The following ARHGAP15 variants were observed in gnomAD, a reference collection of about 807,000 sequenced individuals.
ARHGAP15 encodes Rho GTPase activating protein 15.
In ARHGAP15, 51 loss-of-function variants were observed where a neutral mutation model predicts 63.7. The observed-to-expected ratio is 0.80, with a 90% CI of 0.64 to 1.01. ARHGAP15 has a LOEUF of 1.01. ARHGAP15 is among the 50% of genes least tolerant of loss of function. The probability of loss-of-function intolerance (pLI) is 0.00; values close to 1 mark genes in which losing one functional copy is unlikely to be tolerated. For synonymous variants in ARHGAP15, 191 were observed against 193.8 expected (o/e 0.99, Z 0.12); for missense variants, 560 against 564.6 (o/e 0.99, Z 0.08).
chr2:143,261,858 G>C (rs961598664), intron 6 of ARHGAP15, among the ~76,000 whole-genome samples: 1 of 152,138 alleles, frequency 6.6e-6, no homozygotes, highest in African/African-American at 2.4e-5. Context: ...ACCCATTATT[G>C]AGTTGGTCAT....
At chr2:143,190,470 G>A (rs1691638045) in intron 2 of ARHGAP15, among the ~76,000 whole-genome samples, 1 of 152,160 alleles carries the variant, frequency 6.6e-6, no homozygotes, top group African/African-American at 2.4e-5. Flanking sequence ...GACTGAGGAT[G>A]GGGACTAAAA....
rs868303132 is a variant in ARHGAP15 at position 143,416,718 on chromosome 2, A to G, written c.475-18883A>G. On this transcript the variant is annotated intron_variant, in intron 6 of 13. Transcript: ENST00000295095. The stretch of plus-strand genomic sequence containing the variant: ...TGCATCTGTAATTGTTCTCACGGGC[A>G]CAGCAACGCAAACACAGTAACACAA... 1.8e-4 allele frequency among the ~76,000 whole-genome samples: 27 copies of G among 152,180 alleles called. 1 individual carries two copies. In the South Asian group the frequency reaches 1.9e-3, roughly 11 times the overall value.
At chr2:143,703,673 G>A in intron 13 of ARHGAP15, 149 bp downstream of exon 13, 1 of 599,620 alleles carries the variant, frequency 1.7e-6, no homozygotes, top group Non-Finnish European at 2.8e-6. Flanking sequence ...GCAGAAGCTG[G>A]AGAATGTGTT....
At chr2:143,556,532 A>G (rs748530967) in intron 11 of ARHGAP15, 47 bp downstream of exon 11, 2 of 1,420,314 alleles carry the variant, frequency 1.4e-6, no homozygotes, top group Non-Finnish European at 2.0e-6. Flanking sequence ...TTTCATATGG[A>G]ACAATATTTC....
At chr2:143,245,851 A>G (rs927611679) in intron 5 of ARHGAP15, among the ~76,000 whole-genome samples, 12 of 152,160 alleles carry the variant, frequency 7.9e-5, no homozygotes, top group African/African-American at 2.9e-4. Context: ...TTTGTGCTTT[A>G]TGGTACTGAC....
intron 3 of ARHGAP15, among the ~76,000 whole-genome samples, chr2:143,206,757 G>C (rs1206518167): frequency 6.6e-6 from 1 of 151,876 alleles, no homozygotes; most frequent in Admixed American, 6.6e-5. Flanking sequence ...TTATTTGTTT[G>C]GTTTTATTTT....
Position 143,624,826 on chromosome 2 carries a change from G to A in ARHGAP15, c.1138+559G>A, listed in dbSNP as rs963859383. 3.3e-5 allele frequency among the ~76,000 whole-genome samples: 5 copies of A among 152,046 alleles called. No individual in the cohort carries two copies. In the South Asian group the frequency reaches 8.3e-4, roughly 25 times the overall value. ...ATGGCAAGTTTCTTCTGTTAAACTG[G>A]TGACTTTATAAGAGAGTGAGTTATA... On this transcript the variant is annotated intron_variant, in intron 12 of 13. Coordinates refer to ENST00000295095, the MANE Select transcript of ARHGAP15 (RefSeq NM_018460.4).
chr2:143,241,693 C>T (rs890041233), intron 5 of ARHGAP15, among the ~76,000 whole-genome samples: 5 of 152,208 alleles, frequency 3.3e-5, no homozygotes, highest in African/African-American at 1.2e-4. Flanking sequence ...GAGCACAACA[C>T]ACATTTTGGT....
At chr2:143,685,519 A>G (rs188417451) in intron 12 of ARHGAP15, among the ~76,000 whole-genome samples, 11 of 152,334 alleles carry the variant, frequency 7.2e-5, no homozygotes, top group African/African-American at 2.6e-4. Flanking sequence ...TGCTGTAAAA[A>G]TTCACAAACC....
chr2:143,350,870 T>C (rs1342780758), intron 6 of ARHGAP15: 2 of 146,510 alleles, frequency 1.4e-5, no homozygotes, highest in Non-Finnish European at 3.0e-5. Flanking sequence ...AAAGAAATTA[T>C]ATATTTTGTG....
At chr2:143,480,676 C>G (rs2105212558) in intron 8 of ARHGAP15, 1 of 152,122 alleles carries the variant, frequency 6.6e-6, no homozygotes, top group East Asian at 1.9e-4. Context: ...TTACACTGAG[C>G]AAGTGAAAAA....
intron 12 of ARHGAP15, among the ~76,000 whole-genome samples, chr2:143,631,229 T>TGAACAAA (rs2105254828): frequency 6.6e-6 from 1 of 152,218 alleles, no homozygotes; most frequent in East Asian, 1.9e-4. Flanking sequence ...TTTATGGATA[T>TGAACAAA]TTGGGTTGTT....
At chr2:143,670,058 G>A (rs1682437281) in intron 12 of ARHGAP15, among the ~76,000 whole-genome samples, 1 of 152,144 alleles carries the variant, frequency 6.6e-6, no homozygotes, top group African/African-American at 2.4e-5. Context: ...TCAGACACCA[G>A]GGAGGAATTG....
At chr2:143,646,547 T>C (rs141021770) in intron 12 of ARHGAP15, among the ~76,000 whole-genome samples, 6 of 152,196 alleles carry the variant, frequency 3.9e-5, no homozygotes, top group African/African-American at 1.4e-4. Flanking sequence ...TGGTCTCGTA[T>C]GTCCTTAGAG....
chr2:143,450,642 A>T (rs1382133378), intron 8 of ARHGAP15, among the ~76,000 whole-genome samples: 3 of 152,014 alleles, frequency 2.0e-5, no homozygotes, highest in Admixed American at 6.6e-5. Context: ...TATAAATTCC[A>T]GTATCATTTC....
At chr2:143,660,849 G>A (rs369285261) in intron 12 of ARHGAP15, among the ~76,000 whole-genome samples, 7 of 152,156 alleles carry the variant, frequency 4.6e-5, no homozygotes, top group South Asian at 2.1e-4. Flanking sequence ...CTCATCCCAC[G>A]TTCTATTAGT....
intron 6 of ARHGAP15, among the ~76,000 whole-genome samples, chr2:143,308,702 G>C (rs1210520200): frequency 6.6e-6 from 1 of 151,994 alleles, no homozygotes; most frequent in Non-Finnish European, 1.5e-5. Context: ...CAACGGAGAA[G>C]TGCACGTTAG....
intron 11 of ARHGAP15, among the ~76,000 whole-genome samples, chr2:143,584,976 T>A (rs1367704310): frequency 6.6e-6 from 1 of 152,220 alleles, no homozygotes; most frequent in Non-Finnish European, 1.5e-5. Flanking sequence ...TTTTACTTTT[T>A]GCTGTTAAAA....
chr2:143,350,971 T>C (rs1685543203), intron 6 of ARHGAP15: 2 of 152,016 alleles, frequency 1.3e-5, no homozygotes, highest in Admixed American at 6.6e-5. Context: ...AAAATATCTA[T>C]TATAGTATGT....
Sources: allele counts gnomAD v4.1 joint callset (sites outside exome capture counted in the v4.1 genomes callset), GRCh38; gene constraint gnomAD v4.1.1; transcripts MANE v1.5; gene names NCBI Gene and HGNC (gene_info 2026-07-23, HGNC 2026-07-21).